The following SPIDR variants were observed in gnomAD, a reference collection of about 807,000 sequenced individuals.
SPIDR encodes DNA repair-scaffolding protein.
A neutral mutation model predicts 104.6 loss-of-function variants in SPIDR; 93 were observed. That is an observed-to-expected ratio of 0.89 (90% confidence interval 0.75 to 1.06). The LOEUF is 1.06. Ranked by LOEUF, SPIDR falls within the 50% of genes least tolerant of loss-of-function variation. SPIDR has a pLI of 0.00. For synonymous variants in SPIDR, 431 were observed against 416.9 expected, an observed-to-expected ratio of 1.03 and a Z score of -0.41; for missense variants, 1,154 against 1,111.2, an observed-to-expected ratio of 1.04 and a Z score of -0.55.
rs587663221 is a variant in SPIDR, at chr8:47,308,202, C to T, written c.525+14172C>T. Among the ~76,000 whole-genome samples, 6 of 151,920 alleles carry T rather than the reference C, an allele frequency of 3.9e-5. No individual in the cohort carries two copies. The South Asian group carries it at 1.2e-3, about 32-fold the overall frequency. ...TCAGCCTCCCAAGTAGCTGGGATTA[C>T]AGGTGTGTGCCACCATGCCCAGCTA... On this transcript the variant is annotated intron_variant, in intron 5 of 19. Coordinates refer to ENST00000297423, the MANE Select transcript of SPIDR (RefSeq NM_001080394.4).
intron 8 of SPIDR, among the ~76,000 whole-genome samples, chr8:47,541,350 T>G (rs1333234061): frequency 6.6e-6 from 1 of 152,230 alleles, no homozygotes; most frequent in Admixed American, 6.5e-5. Flanking sequence ...GCCTGGGTCT[T>G]TCTGACTCAG....
Position 47,736,005 on chromosome 8 carries a change from G to C in SPIDR, c.*555G>C, listed in dbSNP as rs2086206828. 5.6e-6 allele frequency: 1 copy of C among 180,046 alleles called. No homozygotes were observed. 11.2% of individuals were successfully genotyped at this position (180,046 alleles called of 1,614,324 possible). A position where few individuals can be genotyped will look rare whatever the true frequency, so the allele number is the denominator to read the frequency against. On this transcript the variant is annotated 3_prime_UTR_variant, in exon 20 of 20. Transcript: ENST00000297423. ...CCATAAAGTGTAGCTCTCTGAACTGGTGTGATCGTGTCTCTGCTGAATGGT... is the reference window on the plus strand; with the variant it reads ...CCATAAAGTGTAGCTCTCTGAACTGCTGTGATCGTGTCTCTGCTGAATGGT...
intron 8 of SPIDR, among the ~76,000 whole-genome samples, chr8:47,483,835 C>T (rs1554728878): frequency 6.6e-6 from 1 of 152,134 alleles, no homozygotes; most frequent in African/African-American, 2.4e-5. Context: ...TGGATTCTAG[C>T]TACTTGAGTG....
At chr8:47,598,844 T>G (rs546178951) in intron 9 of SPIDR, 102 bp from the exon 10 acceptor site, 2 of 1,449,642 alleles carry the variant, frequency 1.4e-6, no homozygotes, top group African/African-American at 2.8e-5. Flanking sequence ...ATTGGGTGGC[T>G]GCTTAAGGAT....
chr8:47,466,512 T>C (rs868914006), intron 8 of SPIDR, among the ~76,000 whole-genome samples: 37 of 152,214 alleles, frequency 2.4e-4, no homozygotes, highest in African/African-American at 6.0e-4. Flanking sequence ...CTCTGGAACA[T>C]AGCTAAGGCA....
intron 10 of SPIDR, among the ~76,000 whole-genome samples, chr8:47,665,345 T>A (rs1024830714): frequency 2.6e-5 from 4 of 152,222 alleles, no homozygotes; most frequent in African/African-American, 9.6e-5. Flanking sequence ...CTTCTGGCCT[T>A]TAATCCCTGA....
intron 8 of SPIDR, among the ~76,000 whole-genome samples, chr8:47,530,612 G>C (rs1398081338): frequency 2.6e-5 from 4 of 152,176 alleles, no homozygotes; most frequent in Non-Finnish European, 5.9e-5. Context: ...TCTGGGGTCA[G>C]GGGCCATCAG....
At chr8:47,713,945 G>C (rs2082216749) in intron 16 of SPIDR, among the ~76,000 whole-genome samples, 1 of 152,188 alleles carries the variant, frequency 6.6e-6, no homozygotes, top group African/African-American at 2.4e-5. Context: ...GCCTCAAGCT[G>C]AGCTCTGAAG....
intron 8 of SPIDR, among the ~76,000 whole-genome samples, chr8:47,582,533 TATTAA>T (rs1221459150): frequency 1.3e-5 from 2 of 152,190 alleles, no homozygotes. Flanking sequence ...TTCTTAAGTC[TATTAA>T]ATTGTTCCCT....
At chr8:47,331,977 T>TC (rs2048781424) in intron 5 of SPIDR, among the ~76,000 whole-genome samples, 2 of 66,360 alleles carry the variant, frequency 3.0e-5, no homozygotes, top group Admixed American at 2.5e-4. Flanking sequence ...TTTTTTTTTT[T>TC]TTTTTTTTTC....
At chr8:47,394,406 C>T (rs1554656217) in intron 5 of SPIDR, among the ~76,000 whole-genome samples, 3 of 152,140 alleles carry the variant, frequency 2.0e-5, no homozygotes, top group South Asian at 4.1e-4. Context: ...CAGCCCAAGC[C>T]GCCTGTGGTT....
intron 5 of SPIDR, among the ~76,000 whole-genome samples, chr8:47,382,468 A>G (rs2059426334): frequency 6.6e-6 from 1 of 152,196 alleles, no homozygotes; most frequent in Admixed American, 6.5e-5. Flanking sequence ...GCTGGAGTAC[A>G]GTGATGCAAT....
At chr8:47,271,682 T>C (rs1015260896) in intron 1 of SPIDR, among the ~76,000 whole-genome samples, 7 of 152,148 alleles carry the variant, frequency 4.6e-5, no homozygotes. Context: ...TAGTAAGTGA[T>C]TTAAAGTCAT....
At chr8:47,607,936 T>C (rs1369698373) in intron 10 of SPIDR, among the ~76,000 whole-genome samples, 1 of 152,088 alleles carries the variant, frequency 6.6e-6, no homozygotes, top group Non-Finnish European at 1.5e-5. Flanking sequence ...CTCTATCACA[T>C]TTTTAAAGAG....
At chr8:47,551,667 CTTT>C (rs2090507799) in intron 8 of SPIDR, among the ~76,000 whole-genome samples, 1 of 151,978 alleles carries the variant, frequency 6.6e-6, no homozygotes, top group Non-Finnish European at 1.5e-5. Flanking sequence ...CTCTTTTCTT[CTTT>C]ATCAGTCTTG....
At chr8:47,392,150 A>G (rs2060676482) in intron 5 of SPIDR, among the ~76,000 whole-genome samples, 1 of 152,192 alleles carries the variant, frequency 6.6e-6, no homozygotes, top group Admixed American at 6.5e-5. Context: ...AAATGCTTAT[A>G]TGTTAGCATT....
chr8:47,332,938 C>T (rs1010905552), intron 5 of SPIDR, among the ~76,000 whole-genome samples: 5 of 146,250 alleles, frequency 3.4e-5, no homozygotes, highest in African/African-American at 1.3e-4. Context: ...AATTTTCTCC[C>T]ATGTTGTAGG....
chr8:47,397,403 G>C (rs1247139806), intron 6 of SPIDR, among the ~76,000 whole-genome samples: 1 of 152,152 alleles, frequency 6.6e-6, no homozygotes, highest in Non-Finnish European at 1.5e-5. Flanking sequence ...GGCCGAGGCA[G>C]GAGAATTGCT....
intron 5 of SPIDR, among the ~76,000 whole-genome samples, chr8:47,304,398 G>A (rs1253531430): frequency 2.6e-5 from 4 of 152,124 alleles, no homozygotes; most frequent in African/African-American, 9.7e-5. Flanking sequence ...CAGGCACTGT[G>A]TCTCCTGCCT....
Sources: gnomAD v4.1 joint callset for allele counts (sites outside exome capture counted in the v4.1 genomes callset) on GRCh38, gnomAD v4.1.1 for gene constraint, MANE v1.5 for transcripts, NCBI Gene and HGNC (gene_info 2026-07-23, HGNC 2026-07-21) for gene names.